The following DNM3 variants were observed in gnomAD, a reference collection of about 807,000 sequenced individuals.
DNM3 encodes dynamin 3, also known as dynamin-3.
A neutral mutation model predicts 101.6 loss-of-function variants in DNM3; 47 were observed. That is an observed-to-expected ratio of 0.46 (90% CI 0.37 to 0.59). DNM3 has a LOEUF of 0.59. Ranked by LOEUF, DNM3 falls within the 20% of genes least tolerant of loss-of-function variation. The pLI is 0.00. For missense variants in DNM3, 849 were observed against 1,085.7 expected (o/e 0.78, Z 3.06); for synonymous variants, 385 against 387.9 (o/e 0.99, Z 0.09).
intron 12 of DNM3, among the ~76,000 whole-genome samples, chr1:172,082,795 A>G (rs1463099734): frequency 2.0e-5 from 3 of 152,242 alleles, no homozygotes; most frequent in Admixed American, 2.0e-4. Flanking sequence ...CAGTGGCCTG[A>G]GGAATTTACA....
chr1:172,189,724 T>C (rs903219815), intron 14 of DNM3, among the ~76,000 whole-genome samples: 6 of 152,142 alleles, frequency 3.9e-5, no homozygotes, highest in Admixed American at 3.9e-4. Flanking sequence ...TTCTGCAGGC[T>C]GTACAAGTGT....
intron 13 of DNM3, among the ~76,000 whole-genome samples, chr1:172,114,133 A>G (rs1315416525): frequency 6.6e-6 from 1 of 152,160 alleles, no homozygotes; most frequent in South Asian, 2.1e-4. Flanking sequence ...ATTGGTTGCT[A>G]TGAGGAAAAG....
At chr1:171,861,947 A>C (rs2034218455) in intron 1 of DNM3, among the ~76,000 whole-genome samples, 1 of 152,164 alleles carries the variant, frequency 6.6e-6, no homozygotes, top group Admixed American at 6.5e-5. Flanking sequence ...TTTTCTAAAG[A>C]ATGTATAAAT....
chr1:172,129,428 A>T (rs1323908585), intron 13 of DNM3, among the ~76,000 whole-genome samples: 1 of 152,196 alleles, frequency 6.6e-6, no homozygotes, highest in Non-Finnish European at 1.5e-5. Flanking sequence ...TTGTAATATA[A>T]CTGGTAGAAA....
chr1:171,874,790 C>A (rs997878376), intron 1 of DNM3, among the ~76,000 whole-genome samples: 1 of 151,212 alleles, frequency 6.6e-6, no homozygotes, highest in Non-Finnish European at 1.5e-5. Flanking sequence ...CCCATAGTAT[C>A]CAGTAGGTAG....
In DNM3 at chr1:171,987,046, T is replaced by A. The variant is rs187419076; in HGVS notation, c.236-610T>A. Among the ~76,000 whole-genome samples the A allele has an allele frequency of 6.2e-3, 950 of 152,298 alleles. 19 individuals are homozygous for A. The highest frequency in any genetic ancestry group is 0.021 in the African/African-American group (889 of 41,576). On this transcript the variant is annotated intron_variant, in intron 2 of 20. Transcript: ENST00000627582. ...TTTTCCCTCTGCTGAGGGATTTTTT[T>A]AAAATTTTACATTACAGGTAAATAT... is the stretch of plus-strand genomic sequence containing the variant.
intron 16 of DNM3, among the ~76,000 whole-genome samples, chr1:172,317,528 T>C (rs1188157898): frequency 6.6e-6 from 1 of 151,986 alleles, no homozygotes; most frequent in East Asian, 1.9e-4. Flanking sequence ...AAGAATCAAA[T>C]AGACGCAATA....
At chr1:172,046,318 C>T (rs1459802270) in intron 9 of DNM3, among the ~76,000 whole-genome samples, 1 of 152,114 alleles carries the variant, frequency 6.6e-6, no homozygotes, top group Non-Finnish European at 1.5e-5. Flanking sequence ...AAAAACCAAA[C>T]ACCACATGTT....
At chr1:172,039,950 CTA>C (rs1211866447) in intron 7 of DNM3, among the ~76,000 whole-genome samples, 1 of 151,970 alleles carries the variant, frequency 6.6e-6, no homozygotes, top group Non-Finnish European at 1.5e-5. Context: ...CTAATAAATG[CTA>C]TGTTTCTGTA....
chr1:172,157,821 A>G (rs59123063), intron 14 of DNM3, among the ~76,000 whole-genome samples: 40,305 of 151,856 alleles, frequency 0.27, 5,836 homozygotes, highest in East Asian at 0.43. Context: ...GGACTTGAGT[A>G]TCTTTGGATT....
At chr1:172,233,700 G>T (rs1313328112) in intron 14 of DNM3, among the ~76,000 whole-genome samples, 1 of 152,158 alleles carries the variant, frequency 6.6e-6, no homozygotes, top group Non-Finnish European at 1.5e-5. Context: ...CCATGATCAA[G>T]TGGGCTTCAT....
chr1:171,980,408 G>C (rs1486988771), intron 2 of DNM3, among the ~76,000 whole-genome samples: 1 of 152,096 alleles, frequency 6.6e-6, no homozygotes, highest in African/African-American at 2.4e-5. Context: ...AATTAGGGTA[G>C]TCAGCATATC....
At chr1:172,350,718 A>T (rs1382016458) in intron 17 of DNM3, among the ~76,000 whole-genome samples, 7 of 152,152 alleles carry the variant, frequency 4.6e-5, no homozygotes, top group Non-Finnish European at 1.5e-5. Flanking sequence ...AATTCATAAA[A>T]TCTTTTTATA....
intron 2 of DNM3, among the ~76,000 whole-genome samples, chr1:171,981,986 A>C (rs1016627503): frequency 3.9e-5 from 6 of 152,196 alleles, no homozygotes; most frequent in African/African-American, 1.4e-4. Context: ...TGCTGGGCTG[A>C]AGCCTCAAGT....
intron 15 of DNM3, among the ~76,000 whole-genome samples, chr1:172,281,042 T>TTATGAAAAA (rs1489862226): frequency 6.6e-6 from 1 of 151,756 alleles, no homozygotes; most frequent in Non-Finnish European, 1.5e-5. Context: ...TAACTGGAAG[T>TTATGAAAAA]TATGAAAAAC....
intron 4 of DNM3, among the ~76,000 whole-genome samples, chr1:172,016,050 G>T (rs1006953035): frequency 6.6e-6 from 1 of 151,748 alleles, no homozygotes; most frequent in Admixed American, 6.6e-5. Flanking sequence ...AGCCAGGCAT[G>T]GTGCTGGGTG....
chr1:172,017,479 T>A (rs964243724), intron 4 of DNM3, among the ~76,000 whole-genome samples: 1 of 152,210 alleles, frequency 6.6e-6, no homozygotes, highest in Non-Finnish European at 1.5e-5. Context: ...TATAGGTTAA[T>A]CTCCAAACAT....
At chr1:172,362,201 A>G (rs1176079254) in intron 17 of DNM3, among the ~76,000 whole-genome samples, 1 of 152,040 alleles carries the variant, frequency 6.6e-6, no homozygotes, top group African/African-American at 2.4e-5. Context: ...TGTGTAATAC[A>G]TTAAAATACA....
chr1:172,351,469 C>T (rs1001655337), intron 17 of DNM3, among the ~76,000 whole-genome samples: 29 of 152,144 alleles, frequency 1.9e-4, no homozygotes, highest in African/African-American at 5.8e-4. Context: ...GGTCTGTTGC[C>T]CAGGACTCCC....
Sources: allele counts gnomAD v4.1 joint callset (sites outside exome capture counted in the v4.1 genomes callset), GRCh38; gene constraint gnomAD v4.1.1; transcripts MANE v1.5; gene names NCBI Gene and HGNC (gene_info 2026-07-23, HGNC 2026-07-21).